DNMT1: variants seen among roughly 807,000 people sequenced by gnomAD.
DNMT1 encodes the protein DNA methyltransferase 1, also known as DNA (cytosine-5)-methyltransferase 1.
A neutral mutation model predicts 205.3 loss-of-function variants in DNMT1; 24 were observed. The observed-to-expected ratio is 0.12, with a 90% CI of 0.08 to 0.16. The LOEUF (loss-of-function observed/expected upper bound fraction) is 0.16. Among genes scored for constraint, DNMT1 ranks in the 10% least tolerant of loss-of-function variants. DNMT1 has a pLI of 1.00. For synonymous variants in DNMT1, 817 were observed against 839.8 expected (o/e 0.97, Z 0.47); for missense variants, 1,293 against 2,177.7 (o/e 0.59, Z 8.09).
intron 29 of DNMT1, chr19:10,142,713 C>T (rs1282222101): frequency 6.0e-6 from 1 of 166,934 alleles, no homozygotes; most frequent in Non-Finnish European, 1.3e-5. Context: ...GGGTAAAGAC[C>T]CCCCTACTTA....
intron 28 of DNMT1, among the ~76,000 whole-genome samples, chr19:10,145,375 C>T (rs2038176207): frequency 6.6e-6 from 1 of 152,188 alleles, no homozygotes; most frequent in African/African-American, 2.4e-5. Flanking sequence ...CTGGAGGGAA[C>T]CTGCTTCTCC....
intron 17 of DNMT1, among the ~76,000 whole-genome samples, chr19:10,157,270 G>A (rs1333919201): frequency 6.6e-6 from 1 of 151,958 alleles, no homozygotes; most frequent in Non-Finnish European, 1.5e-5. Context: ...ACCTATTCAA[G>A]ATACCTCATA....
chr19:10,176,167 CA>C (rs34858632), intron 6 of DNMT1, among the ~76,000 whole-genome samples: 140 of 134,500 alleles, frequency 1.0e-3, no homozygotes, highest in Non-Finnish European at 8.9e-4. Context: ...GACTCCGTAT[CA>C]AAAAAAAAAA....
intron 6 of DNMT1, among the ~76,000 whole-genome samples, chr19:10,176,807 G>A (rs895308981): frequency 3.3e-5 from 5 of 152,060 alleles, no homozygotes; most frequent in Admixed American, 1.3e-4. Context: ...GCAGTGAGCC[G>A]AGATCGTGCC....
chr19:10,174,948 G>C (rs552102886), intron 7 of DNMT1, among the ~76,000 whole-genome samples: 1 of 150,990 alleles, frequency 6.6e-6, no homozygotes, highest in Non-Finnish European at 1.5e-5. Flanking sequence ...CCAGCTACTC[G>C]GGAGGCTGAA....
intron 17 of DNMT1, among the ~76,000 whole-genome samples, chr19:10,157,261 C>A (rs1441915739): frequency 6.6e-6 from 1 of 152,074 alleles, no homozygotes; most frequent in East Asian, 1.9e-4. Flanking sequence ...TATGAATTCA[C>A]CTATTCAAGA....
chr19:10,169,799 CCTA>C (rs1335367300), intron 9 of DNMT1, among the ~76,000 whole-genome samples: 4 of 152,074 alleles, frequency 2.6e-5, no homozygotes, highest in South Asian at 2.1e-4. Context: ...AGCAAATCTT[CCTA>C]CTACAAGAAG....
At chr19:10,167,199 C>T (rs866414956) in intron 10 of DNMT1, among the ~76,000 whole-genome samples, 104 of 147,398 alleles carry the variant, frequency 7.1e-4, no homozygotes, top group African/African-American at 2.3e-3. Flanking sequence ...TTCTTTTTTC[C>T]TTTTTTTTTT....
chr19:10,181,846 A>C (rs764436880), intron 2 of DNMT1, among the ~76,000 whole-genome samples, 195 bp downstream of exon 2: 15 of 151,802 alleles, frequency 9.9e-5, no homozygotes, highest in Non-Finnish European at 1.6e-4. Flanking sequence ...AAAAACAACA[A>C]CAAAAAAAAA....
chr19:10,135,460 A>G (rs1358427663), intron 39 of DNMT1: 3 of 496,856 alleles, frequency 6.0e-6, no homozygotes, highest in Admixed American at 3.3e-5. Flanking sequence ...TGTCGCCACC[A>G]TGGGTTTTAG....
Position 10,180,760 on chromosome 19 carries a change from T to A in DNMT1, c.225+18A>T. 1 of 1,611,296 alleles carries A rather than the reference T, an allele frequency of 6.2e-7. No homozygotes were observed. Among genetic ancestry groups the A allele is most frequent in the Non-Finnish European group, 8.5e-7 (1 of 1,177,626 alleles). On this transcript the variant is annotated intron_variant, in intron 3 of 40. Coordinates refer to ENST00000359526, the MANE Select transcript of DNMT1 (RefSeq NM_001130823.3). ...GGAGACATTTTTCTAGAGGCTAGGA[T>A]GCTGAGAACTGACTTACCTCGGATA...
intron 1 of DNMT1, among the ~76,000 whole-genome samples, chr19:10,193,945 TG>T (rs1465481247): frequency 8.5e-5 from 13 of 152,160 alleles, no homozygotes; most frequent in Admixed American, 8.5e-4. Flanking sequence ...CACTGATCCT[TG>T]TGCACGGAAG....
chr19:10,160,303 T>C, intron 14 of DNMT1, 81 bp downstream of exon 14: 1 of 1,600,620 alleles, frequency 6.2e-7, no homozygotes, highest in Non-Finnish European at 8.5e-7. Flanking sequence ...TGGCAATTAC[T>C]GAAACCCCTT....
chr19:10,149,140 A>G (rs1599358933), intron 26 of DNMT1, 123 bp from the exon 27 acceptor site: 1 of 1,352,934 alleles, frequency 7.4e-7, no homozygotes, highest in Non-Finnish European at 1.0e-6. Flanking sequence ...CCTGGCCAAC[A>G]TGGTGAAACC....
intron 27 of DNMT1, among the ~76,000 whole-genome samples, chr19:10,147,317 A>G (rs950561749): frequency 6.6e-6 from 1 of 151,534 alleles, no homozygotes; most frequent in Non-Finnish European, 1.5e-5. Context: ...TGATAAATAA[A>G]TAAGTAAATG....
Position 10,151,317 on chromosome 19 carries a change from G to A in DNMT1, c.2265+81C>T, listed in dbSNP as rs1365120635. ...GTGCCGGGGCTCAGGCTGCCTGAGA[G>A]GTCAGGTTGGCGAGATACTAGAGGG... is the stretch of plus-strand genomic sequence containing the variant. On this transcript the variant is annotated intron_variant, in intron 24 of 40. Coordinates refer to ENST00000359526, the MANE Select transcript of DNMT1 (RefSeq NM_001130823.3). The surrounding 1 kb of genome is among the most constrained non-coding windows in gnomAD (Gnocchi z 5.0). 4 of 1,590,192 alleles carry A rather than the reference G, an allele frequency of 2.5e-6. No individual in the cohort carries two copies. The highest frequency in any genetic ancestry group is 2.6e-6 in the Non-Finnish European group (3 of 1,172,278).
chr19:10,171,926 G>A (rs2038826870), intron 9 of DNMT1, among the ~76,000 whole-genome samples: 2 of 151,666 alleles, frequency 1.3e-5, no homozygotes, highest in African/African-American at 2.4e-5. Context: ...AGAATTACTT[G>A]AACCTGGGAG....
chr19:10,159,414 G>A lies in DNMT1; in HGVS notation c.1280+244C>T, dbSNP rs1017729449. Among the ~76,000 whole-genome samples the A allele has an allele frequency of 2.0e-5, 3 of 152,124 alleles. No individual in the cohort carries two copies. The highest frequency in any genetic ancestry group is 4.4e-5 in the Non-Finnish European group (3 of 68,022). ...TATTTTCGGTAGGTTTCGCCATGTT[G>A]GCCAGGCTGGTCTCGAACTCCTGAC... On this transcript the variant is annotated intron_variant, in intron 17 of 40. Transcript: ENST00000359526. This position sits in a 1 kb window ranked among gnomAD's most constrained non-coding sequence, Gnocchi z 5.0.
Position 10,156,569 on chromosome 19 carries a change from G to T in DNMT1, c.1281-60C>A. On this transcript the variant is annotated intron_variant, in intron 17 of 40. Transcript: ENST00000359526. This position sits in a 1 kb window ranked among gnomAD's most constrained non-coding sequence, Gnocchi z 4.2. ...AGCCGTGAAGGCGGGTCTTCGTGCAGACTTCAGATCAGGCACGAGGCAATG... is the reference window on the plus strand; with the variant it reads ...AGCCGTGAAGGCGGGTCTTCGTGCATACTTCAGATCAGGCACGAGGCAATG... 7.9e-7 allele frequency: 1 copy of T among 1,261,210 alleles called. No homozygotes were observed. The highest frequency in any genetic ancestry group is 1.2e-6 in the Non-Finnish European group (1 of 859,996). The allele number at this position is 1,261,210 out of a possible 1,614,324, so 78.1% of individuals were successfully genotyped here. A position where few individuals can be genotyped will look rare whatever the true frequency, so the allele number is the denominator to read the frequency against.
Sources: gnomAD v4.1 joint callset for allele counts (sites outside exome capture counted in the v4.1 genomes callset) on GRCh38, gnomAD v4.1.1 for gene constraint, Gnocchi (gnomAD v3.1) non-coding constraint, MANE v1.5 for transcripts, NCBI Gene and HGNC (gene_info 2026-07-23, HGNC 2026-07-21) for gene names.